The following COPZ2 variants were observed in gnomAD, a reference collection of about 807,000 sequenced individuals.
The protein encoded by COPZ2 is coatomer subunit zeta-2.
In COPZ2, 30 loss-of-function variants were observed where a neutral mutation model predicts 33.2. The ratio of observed to expected loss-of-function variants is 0.90; its 90% CI spans 0.68 to 1.23. The LOEUF is 1.23. Among genes scored for constraint, COPZ2 ranks in the 50% most tolerant of loss-of-function variants. The pLI, the probability that COPZ2 is intolerant of heterozygous loss-of-function variation, is 0.00. For missense variants in COPZ2, 263 were observed against 262.4 expected (o/e 1.00, Z -0.02); for synonymous variants, 89 against 102.6 (o/e 0.87, Z 0.80).
At chr17:48,042,471 CTTT>C (rs937395860), upstream of COPZ2, among the ~76,000 whole-genome samples, 2 of 148,570 alleles carry the variant, frequency 1.3e-5, no homozygotes, top group African/African-American at 5.0e-5. Context: ...TACATCTTTT[CTTT>C]TTTTTGAAAT....
Position 48,037,576 on chromosome 17 carries a change from C to T in COPZ2, c.111+91G>A. On this transcript the variant is annotated intron_variant, in intron 1 of 8. Coordinates refer to ENST00000621465, the MANE Select transcript of COPZ2 (RefSeq NM_016429.4). The surrounding 1 kb of genome is among the most constrained non-coding windows in gnomAD (Gnocchi z 5.6). ...ACACAAAGTTCCCAGCCGCCGGGCGCGCGAGTTCTGAGTTGGCTGCTCCCC... is the reference window on the plus strand; with the variant it reads ...ACACAAAGTTCCCAGCCGCCGGGCGTGCGAGTTCTGAGTTGGCTGCTCCCC... The T allele has an allele frequency of 9.8e-7, 1 of 1,015,714 alleles. No individual in the cohort carries two copies. The highest frequency in any genetic ancestry group is 3.5e-5 in the South Asian group (1 of 28,238). 62.9% of individuals were successfully genotyped at this position (1,015,714 alleles called of 1,614,324 possible).
intron 3 of COPZ2, 136 bp from the exon 4 acceptor site, chr17:48,033,438 G>A: frequency 1.5e-6 from 1 of 647,936 alleles, no homozygotes; most frequent in Non-Finnish European, 2.8e-6. Flanking sequence ...CCAGCACTAG[G>A]GACACTACCA....
chr17:48,029,015 G>T, intron 7 of COPZ2, 110 bp downstream of exon 7: 1 of 959,602 alleles, frequency 1.0e-6, no homozygotes. Context: ...CCCAGTGGTT[G>T]GCTTCTGCTA....
upstream of COPZ2, among the ~76,000 whole-genome samples, chr17:48,041,317 C>G (rs997987351): frequency 6.6e-6 from 1 of 152,026 alleles, no homozygotes; most frequent in South Asian, 2.1e-4. Context: ...TACATGCGTG[C>G]GTTTCTGTGC....
the COPZ2 span, chr17:48,045,440 G>A: frequency 3.2e-4 from 48 of 152,000 alleles, no homozygotes; most frequent in African/African-American, 1.1e-3. Flanking sequence ...ATGACTGCAG[G>A]ATGGATGTGG....
Position 48,026,233 on chromosome 17 carries a change from G to C in COPZ2, c.*195C>G. On this transcript the variant is annotated 3_prime_UTR_variant, in exon 9 of 9. Coordinates refer to ENST00000621465, the MANE Select transcript of COPZ2 (RefSeq NM_016429.4). ...AGGAATGCCTAAGATATGAGTTAAG[G>C]CCAGGGCCGTGAGAAAAGGTGACTC... is the stretch of plus-strand genomic sequence containing the variant. 3.4e-6 allele frequency: 2 copies of C among 590,092 alleles called. No homozygotes were observed. Among genetic ancestry groups the C allele is most frequent in the Non-Finnish European group, 6.0e-6 (2 of 331,538 alleles). 36.6% of individuals were successfully genotyped at this position (590,092 alleles called of 1,614,324 possible). A position where few individuals can be genotyped will look rare whatever the true frequency, so the allele number is the denominator to read the frequency against.
rs974122820 is a variant in COPZ2, at chr17:48,029,978, A to AT, written c.495-803dup. Among the ~76,000 whole-genome samples the AT allele has an allele frequency of 4.2e-4, 59 of 141,140 alleles. 1 individual carries two copies. Among genetic ancestry groups the AT allele is most frequent in the Admixed American group, 1.4e-3 (20 of 13,928 alleles). The allele number at this position is 141,140 out of a possible 152,430, so 92.6% of individuals were successfully genotyped here. A position where few individuals can be genotyped will look rare whatever the true frequency, so the allele number is the denominator to read the frequency against. Reference sequence around the variant, plus strand: ...GTGAGACTCTGTCTAAAAAAAAAAAATTTTTTTTTTAAATCTTCCCTTTTA... The same window carrying AT: ...GTGAGACTCTGTCTAAAAAAAAAAAATTTTTTTTTTTAAATCTTCCCTTTTA... On this transcript the variant is annotated intron_variant, in intron 6 of 8. Coordinates refer to ENST00000621465, the MANE Select transcript of COPZ2 (RefSeq NM_016429.4).
chr17:48,032,528 A>G (rs906135308), intron 5 of COPZ2, among the ~76,000 whole-genome samples, 158 bp downstream of exon 5: 2 of 152,368 alleles, frequency 1.3e-5, no homozygotes, highest in African/African-American at 4.8e-5. Context: ...TAGATGCTAT[A>G]GCACAGCCCT....
At chr17:48,029,365 T>C (rs1200400229) in intron 6 of COPZ2, 189 bp from the exon 7 acceptor site, 8 of 652,748 alleles carry the variant, frequency 1.2e-5, no homozygotes, top group Admixed American at 5.5e-5. Flanking sequence ...CTCTGATTCT[T>C]TGATGCTTCA....
the COPZ2 span, chr17:48,047,468 G>A: frequency 2.0e-5 from 3 of 152,126 alleles, no homozygotes; most frequent in Non-Finnish European, 4.4e-5. Flanking sequence ...ACGTTTGAGA[G>A]TCACAAACAT....
At chr17:48,033,439 G>T (rs2036929655) in intron 3 of COPZ2, 137 bp from the exon 4 acceptor site, 9 of 647,388 alleles carry the variant, frequency 1.4e-5, no homozygotes, top group Middle Eastern at 3.1e-4. Context: ...CAGCACTAGG[G>T]ACACTACCAT....
upstream of COPZ2, among the ~76,000 whole-genome samples, chr17:48,038,454 A>C (rs2037026288): frequency 6.6e-6 from 1 of 152,230 alleles, no homozygotes; most frequent in South Asian, 2.1e-4. Flanking sequence ...AGTCTAACTA[A>C]GACAAGCTCT....
In COPZ2 at chr17:48,037,214, G is replaced by T. The variant is rs536388023; in HGVS notation, c.112-289C>A. 9.2e-6 allele frequency: 6 copies of T among 654,162 alleles called. No homozygotes were observed. The highest frequency in any genetic ancestry group is 1.5e-5 in the Non-Finnish European group (5 of 343,510). The allele number at this position is 654,162 out of a possible 1,614,324, so 40.5% of individuals were successfully genotyped here. A position where few individuals can be genotyped will look rare whatever the true frequency, so the allele number is the denominator to read the frequency against. On this transcript the variant is annotated intron_variant, in intron 1 of 8. Coordinates refer to ENST00000621465, the MANE Select transcript of COPZ2 (RefSeq NM_016429.4). The surrounding 1 kb of genome is among the most constrained non-coding windows in gnomAD (Gnocchi z 5.6). ...CACTGACTGCTCCAGAGCCCGAGTC[G>T]GAGTGTATCACAGAACCTGGGCCGG...
the COPZ2 span, chr17:48,046,511 A>G: frequency 6.6e-6 from 1 of 152,218 alleles, no homozygotes; most frequent in Non-Finnish European, 1.5e-5. Context: ...AGGCTGGTCA[A>G]GCAATCCTCC....
At chr17:48,033,602 A>C (rs1433800607) in intron 3 of COPZ2, among the ~76,000 whole-genome samples, 1 of 152,196 alleles carries the variant, frequency 6.6e-6, no homozygotes, top group Non-Finnish European at 1.5e-5. Context: ...GGTTGGGACC[A>C]CAACACAGTT....
chr17:48,033,808 G>T, intron 3 of COPZ2, 55 bp downstream of exon 3: 1 of 1,333,422 alleles, frequency 7.5e-7, no homozygotes, highest in Non-Finnish European at 1.1e-6. Flanking sequence ...TGTCCAGATG[G>T]AGAAGATGAC....
rs1263564517 is a variant in COPZ2, at chr17:48,026,329, TG to T, written c.*98del. The T allele has an allele frequency of 2.1e-6, 2 of 941,316 alleles. No individual in the cohort carries two copies. Among genetic ancestry groups the T allele is most frequent in the Non-Finnish European group, 3.4e-6 (2 of 594,322 alleles). The allele number at this position is 941,316 out of a possible 1,614,324, so 58.3% of individuals were successfully genotyped here. Reference sequence around the variant, plus strand: ...TTAGGAGTCAGTTCTGGGAGGGACCTGGGGATACAGAGGGGTCTCTCCTGAC... The same window carrying T: ...TTAGGAGTCAGTTCTGGGAGGGACCTGGGATACAGAGGGGTCTCTCCTGAC... On this transcript the variant is annotated 3_prime_UTR_variant, in exon 9 of 9. Transcript: ENST00000621465.
At chr17:48,030,137 A>C (rs1390949259) in intron 6 of COPZ2, among the ~76,000 whole-genome samples, 1 of 151,488 alleles carries the variant, frequency 6.6e-6, no homozygotes, top group Non-Finnish European at 1.5e-5. Context: ...TACAAAAAAA[A>C]TTAGCCGGTA....
At chr17:48,034,171 C>T (rs549381918) in intron 2 of COPZ2, among the ~76,000 whole-genome samples, 4 of 152,310 alleles carry the variant, frequency 2.6e-5, no homozygotes, top group South Asian at 2.1e-4. Context: ...TGCAGTGGCA[C>T]GATCTCGGCT....
Sources: allele counts gnomAD v4.1 joint callset (sites outside exome capture counted in the v4.1 genomes callset), GRCh38; gene constraint gnomAD v4.1.1; non-coding constraint Gnocchi (gnomAD v3.1); transcripts MANE v1.5; gene names NCBI Gene and HGNC (gene_info 2026-07-23, HGNC 2026-07-21).